The following IGSF21 variants were observed in gnomAD, a reference collection of about 807,000 sequenced individuals.
IGSF21 encodes the protein immunoglobin superfamily member 21, also known as immunoglobulin superfamily member 21.
A neutral mutation model predicts 46.8 loss-of-function variants in IGSF21; 28 were observed. The ratio of observed to expected loss-of-function variants is 0.60; its 90% CI spans 0.44 to 0.82. The LOEUF (loss-of-function observed/expected upper bound fraction) is 0.82. Among genes scored for constraint, IGSF21 ranks in the 40% least tolerant of loss-of-function variants. The pLI is 0.00. For synonymous variants in IGSF21, 284 were observed against 273.6 expected, an observed-to-expected ratio of 1.04 and a Z score of -0.38; for missense variants, 624 against 665.5, an observed-to-expected ratio of 0.94 and a Z score of 0.69.
chr1:18,362,868 G>A (rs12124107), intron 5 of IGSF21, among the ~76,000 whole-genome samples: 20,287 of 152,078 alleles, frequency 0.13, 1,443 homozygotes, highest in African/African-American at 0.19. Flanking sequence ...GAGGTGCAGC[G>A]TCCAGAGAGC....
At chr1:18,167,747 C>G (rs1051529881) in intron 1 of IGSF21, 1 of 152,162 alleles carries the variant, frequency 6.6e-6, no homozygotes, top group African/African-American at 2.4e-5. Flanking sequence ...GGGACCTCAC[C>G]TCCATCCCCA....
chr1:18,121,479 C>T (rs2086232943), intron 1 of IGSF21, among the ~76,000 whole-genome samples: 1 of 152,160 alleles, frequency 6.6e-6, no homozygotes, highest in Admixed American at 6.5e-5. Flanking sequence ...TTGATGAGGA[C>T]TAATTTTGTC....
At chr1:18,352,780 G>GA (rs1243157811) in intron 4 of IGSF21, among the ~76,000 whole-genome samples, 1 of 152,208 alleles carries the variant, frequency 6.6e-6, no homozygotes, top group Non-Finnish European at 1.5e-5. Context: ...CTACCACTGC[G>GA]AAAGCACAAC....
chr1:18,169,030 A>G (rs1354370067), intron 1 of IGSF21, among the ~76,000 whole-genome samples: 1 of 152,224 alleles, frequency 6.6e-6, no homozygotes, highest in Non-Finnish European at 1.5e-5. Flanking sequence ...GCACAGCACT[A>G]ACCTGTGGCT....
At chr1:18,273,039 C>CT (rs760448516) in intron 2 of IGSF21, among the ~76,000 whole-genome samples, 2,137 of 80,686 alleles carry the variant, frequency 0.026, 110 homozygotes, top group Non-Finnish European at 0.032. Flanking sequence ...CCAGACGGAT[C>CT]TTTTTTTTTT....
chr1:18,146,692 C>G (rs1020583932), intron 1 of IGSF21, among the ~76,000 whole-genome samples: 2 of 152,146 alleles, frequency 1.3e-5, no homozygotes, highest in African/African-American at 4.8e-5. Flanking sequence ...GGTTGTGGAG[C>G]CACCGAGGGT....
intron 6 of IGSF21, among the ~76,000 whole-genome samples, chr1:18,369,764 C>T (rs1271103805): frequency 2.0e-5 from 3 of 152,200 alleles, no homozygotes; most frequent in African/African-American, 7.2e-5. Flanking sequence ...TCTTCCCTTG[C>T]AGGGATGCCC....
chr1:18,208,396 T>TATATATATATATA (rs397732378), intron 1 of IGSF21, among the ~76,000 whole-genome samples: 21 of 102,292 alleles, frequency 2.1e-4, no homozygotes, highest in South Asian at 3.3e-4. Context: ...TATATATATA[T>TATATATATATATA]TTTTTGAGAC....
chr1:18,259,616 C>T (rs1286927974), intron 2 of IGSF21, among the ~76,000 whole-genome samples: 1 of 152,112 alleles, frequency 6.6e-6, no homozygotes, highest in African/African-American at 2.4e-5. Context: ...TTCCTCCTGA[C>T]ATTTTATATA....
chr1:18,144,784 A>G (rs10907331), intron 1 of IGSF21, among the ~76,000 whole-genome samples: 86,249 of 151,990 alleles, frequency 0.57, 24,835 homozygotes, highest in East Asian at 0.81. Context: ...GACCAGAAGG[A>G]CAGAGTGAGA....
chr1:18,304,800 A>G (rs1268859077), intron 3 of IGSF21, among the ~76,000 whole-genome samples: 1 of 152,044 alleles, frequency 6.6e-6, no homozygotes, highest in Non-Finnish European at 1.5e-5. Context: ...TGTCAGCTTT[A>G]TTACTAATTA....
At chr1:18,120,427 G>A (rs964196627) in intron 1 of IGSF21, among the ~76,000 whole-genome samples, 2 of 152,174 alleles carry the variant, frequency 1.3e-5, no homozygotes, top group Non-Finnish European at 2.9e-5. Flanking sequence ...CCTATTGAAA[G>A]CCCATACAGA....
At chr1:18,289,060 G>A (rs995170875) in intron 2 of IGSF21, among the ~76,000 whole-genome samples, 1 of 152,150 alleles carries the variant, frequency 6.6e-6, no homozygotes, top group Admixed American at 6.5e-5. Context: ...GTGGATGTGT[G>A]GGGTGTGGGT....
In IGSF21 at chr1:18,128,057, ATAT is replaced by A. The variant is rs573132319; in HGVS notation, c.70+19870_70+19872del. Among the ~76,000 whole-genome samples the A allele has an allele frequency of 1.5e-3, 226 of 152,316 alleles. 2 individuals are homozygous for A. Among genetic ancestry groups the A allele is most frequent in the Non-Finnish European group, 7.6e-4 (52 of 68,026 alleles). ...GGGAAGAGATTAGTGATACTCTTGG[ATAT>A]TATTATTATTGTTGTTAGCTAATAC... On this transcript the variant is annotated intron_variant, in intron 1 of 9. Transcript: ENST00000251296.
intron 3 of IGSF21, among the ~76,000 whole-genome samples, chr1:18,313,406 G>A (rs1300426196): frequency 3.3e-5 from 5 of 152,338 alleles, no homozygotes; most frequent in South Asian, 2.1e-4. Flanking sequence ...CTTCCTGGCT[G>A]TGGAATCCTA....
chr1:18,150,408 CG>C (rs34970358), intron 1 of IGSF21, among the ~76,000 whole-genome samples: 56,619 of 151,166 alleles, frequency 0.37, 11,057 homozygotes, highest in East Asian at 0.58. Context: ...CTTGGCATGG[CG>C]GGGGGGGTCT....
chr1:18,278,531 T>TTTTGTTTG (rs201958803), intron 2 of IGSF21, among the ~76,000 whole-genome samples: 2,089 of 140,888 alleles, frequency 0.015, 19 homozygotes, highest in East Asian at 0.032. Flanking sequence ...GTAAGGTTTT[T>TTTTGTTTG]TTTGTTTGTT....
At chr1:18,122,760 A>G (rs973018221) in intron 1 of IGSF21, among the ~76,000 whole-genome samples, 2 of 151,556 alleles carry the variant, frequency 1.3e-5, no homozygotes, top group African/African-American at 4.9e-5. Context: ...AGCTGGCACT[A>G]CAGGTGCATG....
At chr1:18,222,927 T>C (rs1421271175) in intron 1 of IGSF21, among the ~76,000 whole-genome samples, 1 of 152,242 alleles carries the variant, frequency 6.6e-6, no homozygotes, top group East Asian at 1.9e-4. Context: ...TTCTCACCTG[T>C]GATCCAGGTG....
Sources: gnomAD v4.1 joint callset for allele counts (sites outside exome capture counted in the v4.1 genomes callset) on GRCh38, gnomAD v4.1.1 for gene constraint, MANE v1.5 for transcripts, NCBI Gene and HGNC (gene_info 2026-07-23, HGNC 2026-07-21) for gene names.